The following GLMN variants were observed in gnomAD, a reference collection of about 807,000 sequenced individuals.
The protein encoded by GLMN is glomulin, FKBP associated protein.
Under a neutral mutation model 87.8 loss-of-function variants are expected in GLMN, and 75 were observed. The ratio of observed to expected loss-of-function variants is 0.85; its 90% confidence interval spans 0.71 to 1.04. The LOEUF (loss-of-function observed/expected upper bound fraction) is 1.04, where lower values mean the gene tolerates loss of function less well. GLMN is among the 50% of genes least tolerant of loss of function. The pLI is 0.00. For synonymous variants in GLMN, 206 were observed against 221.6 expected, an observed-to-expected ratio of 0.93 and a Z score of 0.63; for missense variants, 588 against 658.8, an observed-to-expected ratio of 0.89 and a Z score of 1.18.
chr1:92,350,076 A>G, the GLMN span, among the ~76,000 whole-genome samples: 1 of 152,224 alleles, frequency 6.6e-6, no homozygotes, highest in Non-Finnish European at 1.5e-5. Context: ...AAAATACACC[A>G]TGACCCATTC....
chr1:92,306,654 G>T, the GLMN span, among the ~76,000 whole-genome samples: 9 of 152,044 alleles, frequency 5.9e-5, no homozygotes, highest in Admixed American at 4.6e-4. Context: ...GACCAGCCTG[G>T]GCAACAAATA....
intron 10 of GLMN, 28 bp from the exon 11 acceptor site, chr1:92,268,030 T>C (rs755117000): frequency 7.1e-7 from 1 of 1,415,618 alleles, no homozygotes; most frequent in Non-Finnish European, 1.0e-6. Context: ...TGCAGATACA[T>C]ATATAGTGAA....
chr1:92,324,353 C>T, the GLMN span: 2 of 1,613,074 alleles, frequency 1.2e-6, no homozygotes, highest in Non-Finnish European at 1.7e-6. Flanking sequence ...GAAGAAACCA[C>T]CAAATCACAA....
At chr1:92,319,370 C>CA in the GLMN span, among the ~76,000 whole-genome samples, 1 of 152,232 alleles carries the variant, frequency 6.6e-6, no homozygotes, top group African/African-American at 2.4e-5. Context: ...TCTCTGTACT[C>CA]AGTTTCCTTA....
At chr1:92,349,357 G>A in the GLMN span, among the ~76,000 whole-genome samples, 1 of 152,146 alleles carries the variant, frequency 6.6e-6, no homozygotes, top group Non-Finnish European at 1.5e-5. Flanking sequence ...ATCCATGAAA[G>A]CTGTTTTCAG....
the GLMN span, among the ~76,000 whole-genome samples, chr1:92,340,007 T>C: frequency 1.3e-5 from 2 of 152,202 alleles, no homozygotes; most frequent in African/African-American, 2.4e-5. Context: ...GTCAAAGTTG[T>C]GATGTGTATA....
upstream of GLMN, chr1:92,299,239 C>A: frequency 1.5e-6 from 1 of 670,514 alleles, no homozygotes; most frequent in Non-Finnish European, 2.3e-6. Context: ...TCCTGAAAGG[C>A]TGCTTCAGGG....
At chr1:92,270,084 C>T (rs1333474308) in intron 8 of GLMN, among the ~76,000 whole-genome samples, 2 of 152,168 alleles carry the variant, frequency 1.3e-5, no homozygotes, top group African/African-American at 4.8e-5. Context: ...CAGGATAATG[C>T]ATCTACAAGC....
At chr1:92,303,576 G>T (rs1651012447), upstream of GLMN, among the ~76,000 whole-genome samples, 1 of 151,834 alleles carries the variant, frequency 6.6e-6, no homozygotes, top group Admixed American at 6.6e-5. Context: ...TTAAAAAATA[G>T]GTAAAATTAT....
At chr1:92,336,350 G>T in the GLMN span, 1 of 1,602,452 alleles carries the variant, frequency 6.2e-7, no homozygotes, top group East Asian at 2.2e-5. Flanking sequence ...TTTTCAGGTT[G>T]CCTGGGCTTC....
chr1:92,269,669 A>C, intron 9 of GLMN, 54 bp downstream of exon 9: 2 of 1,128,542 alleles, frequency 1.8e-6, no homozygotes, highest in South Asian at 2.5e-5. Flanking sequence ...GATCTTAACA[A>C]GGACTATTTT....
chr1:92,365,838 G>A, the GLMN span, among the ~76,000 whole-genome samples: 3 of 152,156 alleles, frequency 2.0e-5, no homozygotes, highest in African/African-American at 4.8e-5. Context: ...GTGGTCTAGC[G>A]GTTAGAAGTG....
At chr1:92,343,826 T>C in the GLMN span, among the ~76,000 whole-genome samples, 2 of 151,744 alleles carry the variant, frequency 1.3e-5, no homozygotes, top group Non-Finnish European at 2.9e-5. Context: ...GTTTGGGAGG[T>C]AGAGGGCAAG....
chr1:92,303,981 G>A (rs1217530565), upstream of GLMN: 1 of 1,601,000 alleles, frequency 6.2e-7, no homozygotes, highest in South Asian at 1.1e-5. Context: ...TTTTAGGGGA[G>A]GTTCATTACA....
chr1:92,249,125 G>T (rs1653088130), intron 16 of GLMN, among the ~76,000 whole-genome samples: 1 of 151,848 alleles, frequency 6.6e-6, no homozygotes, highest in Non-Finnish European at 1.5e-5. Flanking sequence ...ATTGGTGAAT[G>T]GGAAAAAAGG....
At chr1:92,312,776 A>T in the GLMN span, among the ~76,000 whole-genome samples, 1 of 150,970 alleles carries the variant, frequency 6.6e-6, no homozygotes, top group African/African-American at 2.4e-5. Context: ...GTTAATGTTG[A>T]TATTTTGGCC....
chr1:92,318,173 G>A, the GLMN span, among the ~76,000 whole-genome samples: 2 of 152,174 alleles, frequency 1.3e-5, no homozygotes, highest in African/African-American at 2.4e-5. Flanking sequence ...CTTCTGGCAT[G>A]TCCACCTTCC....
At chr1:92,365,721 T>C in the GLMN span, among the ~76,000 whole-genome samples, 4 of 152,366 alleles carry the variant, frequency 2.6e-5, no homozygotes, top group African/African-American at 9.6e-5. Flanking sequence ...TACGTTTTAT[T>C]TGGTTATGAC....
chr1:92,247,279 A>C, intron 17 of GLMN, 135 bp from the exon 18 acceptor site: 1 of 688,084 alleles, frequency 1.5e-6, no homozygotes, highest in Non-Finnish European at 2.6e-6. Context: ...TTAACAGCTC[A>C]GGGTATACTT....
Sources: allele counts gnomAD v4.1 joint callset (sites outside exome capture counted in the v4.1 genomes callset), GRCh38; gene constraint gnomAD v4.1.1; transcripts MANE v1.5; gene names NCBI Gene and HGNC (gene_info 2026-07-23, HGNC 2026-07-21).